The following PDE3B variants were observed in gnomAD, a reference collection of about 807,000 sequenced individuals.
PDE3B encodes phosphodiesterase 3B.
In PDE3B, 66 loss-of-function variants were observed where a neutral mutation model predicts 116.8. The observed-to-expected ratio is 0.56, with a 90% CI of 0.46 to 0.69. The LOEUF (loss-of-function observed/expected upper bound fraction) is 0.69, where lower values mean the gene tolerates loss of function less well. Among genes scored for constraint, PDE3B ranks in the 30% least tolerant of loss-of-function variants. PDE3B has a pLI of 0.00. For synonymous variants in PDE3B, 595 were observed against 533.6 expected, an observed-to-expected ratio of 1.12 and a Z score of -1.59; for missense variants, 1,384 against 1,368.1, an observed-to-expected ratio of 1.01 and a Z score of -0.18.
chr11:14,704,707 A>G (rs949567089), intron 1 of PDE3B, among the ~76,000 whole-genome samples: 1 of 151,748 alleles, frequency 6.6e-6, no homozygotes, highest in African/African-American at 2.4e-5. Flanking sequence ...GTATGTAATA[A>G]AATGTATACT....
chr11:14,819,963 T>G (rs1280077776), intron 7 of PDE3B, among the ~76,000 whole-genome samples: 2 of 152,122 alleles, frequency 1.3e-5, no homozygotes, highest in Non-Finnish European at 2.9e-5. Context: ...AGTTGAAGGC[T>G]TGCCATGGTT....
rs138218635 is a variant in PDE3B, at chr11:14,671,934, G to T, written c.978+26881G>T. On this transcript the variant is annotated intron_variant, in intron 1 of 15. Transcript: ENST00000282096. ...TCCTAGCTACTTAGGGGGCTGAGGT[G>T]GGAGGCTAGGAATTTGAGGCTGCAG... is the stretch of plus-strand genomic sequence containing the variant. Among the ~76,000 whole-genome samples, 545 of 151,076 alleles carry T rather than the reference G, an allele frequency of 3.6e-3. 6 individuals are homozygous for T. The highest frequency in any genetic ancestry group is 4.9e-3 in the Non-Finnish European group (335 of 67,794).
chr11:14,655,469 T>C (rs74346762), intron 1 of PDE3B, among the ~76,000 whole-genome samples: 1 of 152,352 alleles, frequency 6.6e-6, no homozygotes, highest in African/African-American at 2.4e-5. Flanking sequence ...CTGTCTTAAT[T>C]ACCTTTCAGT....
At chr11:14,879,249 T>A in the PDE3B span, 5 of 1,613,274 alleles carry the variant, frequency 3.1e-6, no homozygotes, top group Non-Finnish European at 4.2e-6. Flanking sequence ...GTAATTACTG[T>A]TGTGCCTTTA....
chr11:14,741,229 G>A (rs189811820), intron 1 of PDE3B, among the ~76,000 whole-genome samples: 76 of 152,088 alleles, frequency 5.0e-4, no homozygotes, highest in Admixed American at 9.2e-4. Context: ...TTACTGTGTC[G>A]GAGTCTAAGT....
chr11:14,762,948 TAGAC>T (rs1158606332), intron 1 of PDE3B, among the ~76,000 whole-genome samples: 8 of 152,304 alleles, frequency 5.3e-5, no homozygotes, highest in South Asian at 2.1e-4. Flanking sequence ...AGGTATCTAT[TAGAC>T]AGCCAACTGG....
At chr11:14,817,300 G>A (rs1410485147) in intron 5 of PDE3B, among the ~76,000 whole-genome samples, 2 of 151,954 alleles carry the variant, frequency 1.3e-5, no homozygotes, top group Non-Finnish European at 2.9e-5. Context: ...GTGGGGGGAC[G>A]GGGGATGGAT....
At position 14,834,992 on chromosome 11, in the gene PDE3B, T is replaced by C; in HGVS notation, c.2217T>C (p.Arg739=). Residue 739 remains arginine (R), a synonymous_variant, in exon 11 of 16, where the codon CGT becomes CGC. Coordinates refer to ENST00000282096, the MANE Select transcript of PDE3B (RefSeq NM_000922.4). ...TTTTGGTGACTTTAGATCACAATCGTATACATGCCACAGATGTGCTACATG... is the reference window on the plus strand; with the variant it reads ...TTTTGGTGACTTTAGATCACAATCGCATACATGCCACAGATGTGCTACATG... The part of the protein sequence containing the change: ...NGYRDIPYHN[R]IHATDVLHAV... 6.2e-7 allele frequency: 1 copy of C among 1,607,842 alleles called. No homozygotes were observed. The highest frequency in any genetic ancestry group is 1.7e-5 in the Admixed American group (1 of 59,252).
chr11:14,835,196 C>A, intron 11 of PDE3B, 101 bp downstream of exon 11: 1 of 694,766 alleles, frequency 1.4e-6, no homozygotes, highest in Non-Finnish European at 2.4e-6. Context: ...CATTAAGTAA[C>A]CGTTTAGTAC....
chr11:14,655,303 C>T (rs1262374893), intron 1 of PDE3B, among the ~76,000 whole-genome samples: 1 of 151,846 alleles, frequency 6.6e-6, no homozygotes, highest in Admixed American at 6.6e-5. Flanking sequence ...TTGTAGATAC[C>T]TAATAACATA....
At chr11:14,827,234 AAGC>A (rs2133958624) in intron 7 of PDE3B, among the ~76,000 whole-genome samples, 1 of 152,318 alleles carries the variant, frequency 6.6e-6, no homozygotes, top group East Asian at 1.9e-4. Context: ...CAAAAGCTGG[AAGC>A]ATTCCCCTTG....
intron 4 of PDE3B, among the ~76,000 whole-genome samples, chr11:14,799,507 G>A (rs2133929862): frequency 6.6e-6 from 1 of 152,172 alleles, no homozygotes; most frequent in East Asian, 1.9e-4. Flanking sequence ...CTGTCTCGTT[G>A]ATCTGTCTAA....
chr11:14,721,287 A>C (rs1856066696), intron 1 of PDE3B, among the ~76,000 whole-genome samples: 1 of 152,160 alleles, frequency 6.6e-6, no homozygotes, highest in African/African-American at 2.4e-5. Flanking sequence ...GGTGCTGGAG[A>C]GGATGTGGAG....
chr11:14,884,164 T>A, the PDE3B span, among the ~76,000 whole-genome samples: 17 of 151,532 alleles, frequency 1.1e-4, no homozygotes, highest in South Asian at 2.1e-4. Flanking sequence ...CATTTGACCC[T>A]GCCATCCCAT....
the PDE3B span, chr11:14,880,715 C>T: frequency 1.8e-5 from 29 of 1,600,682 alleles, no homozygotes; most frequent in Admixed American, 3.5e-5. Flanking sequence ...AAACTGTTTA[C>T]AGCTAATCGT....
chr11:14,874,777 G>C (rs1436275679), downstream of PDE3B, among the ~76,000 whole-genome samples: 1 of 151,970 alleles, frequency 6.6e-6, no homozygotes, highest in Non-Finnish European at 1.5e-5. Context: ...ATTTTTATCA[G>C]AGTATAAAAC....
intron 1 of PDE3B, among the ~76,000 whole-genome samples, chr11:14,654,228 AAATT>A (rs1853644978): frequency 6.6e-6 from 1 of 152,174 alleles, no homozygotes; most frequent in Non-Finnish European, 1.5e-5. Flanking sequence ...CAAGCAGAAT[AAATT>A]AAAAGAAACC....
At chr11:14,674,610 C>A (rs904998769) in intron 1 of PDE3B, 7 of 306,414 alleles carry the variant, frequency 2.3e-5, no homozygotes, top group African/African-American at 1.5e-4. Context: ...TAAAACTTTA[C>A]TAACTTTGAT....
chr11:14,806,958 C>T (rs1196789299), intron 5 of PDE3B, among the ~76,000 whole-genome samples: 1 of 151,480 alleles, frequency 6.6e-6, no homozygotes, highest in African/African-American at 2.4e-5. Flanking sequence ...ATGTCCTTTG[C>T]AGGGACGTGG....
Sources: allele counts gnomAD v4.1 joint callset (sites outside exome capture counted in the v4.1 genomes callset), GRCh38; gene constraint gnomAD v4.1.1; transcripts MANE v1.5; gene names NCBI Gene and HGNC (gene_info 2026-07-23, HGNC 2026-07-21).